The following SDK1 variants were observed in gnomAD, a reference collection of about 807,000 sequenced individuals.
SDK1 encodes the protein protein sidekick-1.
Under a neutral mutation model 245.5 loss-of-function variants are expected in SDK1, and 157 were observed. The ratio of observed to expected loss-of-function variants is 0.64; its 90% CI spans 0.56 to 0.73. SDK1 has a LOEUF of 0.73. SDK1 is among the 30% of genes least tolerant of loss of function. SDK1 has a pLI of 0.00. For synonymous variants in SDK1, 1,647 were observed against 1,278.5 expected, an observed-to-expected ratio of 1.29 and a Z score of -6.15; for missense variants, 3,583 against 3,002.3, an observed-to-expected ratio of 1.19 and a Z score of -4.52.
At chr7:4,138,727 A>G (rs1316546339) in intron 28 of SDK1, among the ~76,000 whole-genome samples, 2 of 147,434 alleles carry the variant, frequency 1.4e-5, no homozygotes, top group Admixed American at 1.4e-4. Flanking sequence ...CAGCCTGGGC[A>G]ACAATAGTGA....
intron 1 of SDK1, among the ~76,000 whole-genome samples, chr7:3,334,683 T>G (rs1462243180): frequency 2.6e-5 from 4 of 152,172 alleles, no homozygotes; most frequent in Admixed American, 1.3e-4. Flanking sequence ...TTCTGTTCCC[T>G]TCGTTGAATC....
intron 5 of SDK1, among the ~76,000 whole-genome samples, chr7:3,829,268 T>C (rs1779855927): frequency 6.6e-6 from 1 of 152,176 alleles, no homozygotes; most frequent in Non-Finnish European, 1.5e-5. Flanking sequence ...TTTTAGGTGA[T>C]CTAGGAACAA....
chr7:3,591,257 G>C (rs539967284), intron 1 of SDK1, among the ~76,000 whole-genome samples: 5 of 152,100 alleles, frequency 3.3e-5, no homozygotes, highest in African/African-American at 1.2e-4. Context: ...TCCTTTTGCA[G>C]TGTCATAATA....
At chr7:3,888,351 G>A (rs1781383850) in intron 5 of SDK1, among the ~76,000 whole-genome samples, 1 of 152,196 alleles carries the variant, frequency 6.6e-6, no homozygotes, top group Admixed American at 6.5e-5. Context: ...CACAGCATCG[G>A]GGTGGAACCA....
At chr7:3,449,272 C>T (rs558501840) in intron 1 of SDK1, among the ~76,000 whole-genome samples, 12 of 151,722 alleles carry the variant, frequency 7.9e-5, no homozygotes, top group Non-Finnish European at 1.6e-4. Flanking sequence ...TTGGGCTCAT[C>T]CTTTATGCCC....
chr7:3,301,999 G>A (rs145216539), intron 1 of SDK1, 115 bp downstream of exon 1: 1 of 794,688 alleles, frequency 1.3e-6, no homozygotes, highest in Non-Finnish European at 1.5e-6. Context: ...GTCGGGATGC[G>A]CCTTGCTGGG....
intron 1 of SDK1, among the ~76,000 whole-genome samples, chr7:3,485,523 T>A (rs1002724217): frequency 2.6e-5 from 4 of 152,016 alleles, no homozygotes; most frequent in African/African-American, 9.7e-5. Flanking sequence ...GTGTAGGTAA[T>A]GTGAGACTGT....
chr7:3,689,912 C>G (rs1466502146), intron 4 of SDK1, among the ~76,000 whole-genome samples: 1 of 152,182 alleles, frequency 6.6e-6, no homozygotes, highest in East Asian at 1.9e-4. Flanking sequence ...ACATGTGTGT[C>G]TATTGCAAAC....
At chr7:3,525,807 TA>T (rs1051077345) in intron 1 of SDK1, among the ~76,000 whole-genome samples, 1 of 152,110 alleles carries the variant, frequency 6.6e-6, no homozygotes, top group Non-Finnish European at 1.5e-5. Context: ...CTTTGAGAAA[TA>T]AAAAAATATC....
At chr7:3,309,542 T>TTTTTTTTTA (rs1554256117) in intron 1 of SDK1, among the ~76,000 whole-genome samples, 7,237 of 148,302 alleles carry the variant, frequency 0.049, 251 homozygotes, top group Middle Eastern at 0.077. Flanking sequence ...TTTTTTTTTT[T>TTTTTTTTTA]ACATGAGTGT....
intron 5 of SDK1, among the ~76,000 whole-genome samples, chr7:3,884,391 G>C (rs963243820): frequency 6.6e-6 from 1 of 152,186 alleles, no homozygotes; most frequent in Non-Finnish European, 1.5e-5. Context: ...TGCGCGGGAA[G>C]TTGTGCTTTG....
Position 3,532,823 on chromosome 7 carries a change from C to T in SDK1, c.299-86257C>T, listed in dbSNP as rs895287518. ...TGCAGCCTCTAGCATCTTACCTCCT[C>T]TGCGTTCTTGTCACATGGCCCTCTT... is the stretch of plus-strand genomic sequence containing the variant. On this transcript the variant is annotated intron_variant, in intron 1 of 44. Transcript: ENST00000404826. Among the ~76,000 whole-genome samples the T allele has an allele frequency of 2.6e-5, 4 of 152,152 alleles. 1 individual carries two copies. The highest frequency in any genetic ancestry group is 1.3e-4 in the Admixed American group (2 of 15,282).
intron 4 of SDK1, among the ~76,000 whole-genome samples, chr7:3,783,355 C>T (rs1051455665): frequency 2.6e-5 from 4 of 151,470 alleles, no homozygotes; most frequent in African/African-American, 9.7e-5. Context: ...AAGTCCTCAC[C>T]AGAGTAGTTA....
chr7:4,194,594 G>A (rs1783474159), intron 35 of SDK1, among the ~76,000 whole-genome samples: 1 of 152,076 alleles, frequency 6.6e-6, no homozygotes, highest in Non-Finnish European at 1.5e-5. Flanking sequence ...CCTCAAAACT[G>A]AACAACTTGG....
At chr7:3,863,046 G>A (rs1780734688) in intron 5 of SDK1, among the ~76,000 whole-genome samples, 1 of 152,162 alleles carries the variant, frequency 6.6e-6, no homozygotes, top group South Asian at 2.1e-4. Flanking sequence ...TAAGAGGCCT[G>A]GAACCCATAC....
chr7:3,590,254 A>G (rs1243003519), intron 1 of SDK1, among the ~76,000 whole-genome samples: 2 of 140,952 alleles, frequency 1.4e-5, no homozygotes, highest in Non-Finnish European at 3.1e-5. Context: ...AGTGGATTTG[A>G]TGTAAAGAAA....
At chr7:3,414,227 GT>G (rs1475655198) in intron 1 of SDK1, among the ~76,000 whole-genome samples, 2 of 152,178 alleles carry the variant, frequency 1.3e-5, no homozygotes, top group African/African-American at 4.8e-5. Flanking sequence ...AAGAGACAAG[GT>G]TGGGGTGCGG....
At position 3,821,551 on chromosome 7, in the gene SDK1, A is replaced by G. The variant is rs188954051; in HGVS notation, c.815A>G (p.Lys272Arg). ...GTGAATGAGAAAAATGGAGAAAACA[A>G]GACAAGCCCATTCATTCATTTGAGC... ...QAVNEKNGEN[K>R]TSPFIHLSIA... Residue 272 changes from lysine (K) to arginine (R), a missense_variant, in exon 5 of 45, where the codon AAG becomes AGG. By Grantham distance (26) the Lys-to-Arg change is conservative. Transcript: ENST00000404826. 1 of 1,614,002 alleles carries G rather than the reference A, an allele frequency of 6.2e-7. No individual in the cohort carries two copies. The highest frequency in any genetic ancestry group is 2.2e-5 in the East Asian group (1 of 44,872).
intron 4 of SDK1, among the ~76,000 whole-genome samples, chr7:3,667,794 A>G (rs970983569): frequency 2.0e-5 from 3 of 152,124 alleles, no homozygotes; most frequent in East Asian, 1.9e-4. Context: ...TTCTTTATTC[A>G]TAAGTAGTAT....
Sources: allele counts gnomAD v4.1 joint callset (sites outside exome capture counted in the v4.1 genomes callset), GRCh38; gene constraint gnomAD v4.1.1; transcripts MANE v1.5; gene names NCBI Gene and HGNC (gene_info 2026-07-23, HGNC 2026-07-21).